The following ABR variants were observed in gnomAD, a reference collection of about 807,000 sequenced individuals.
ABR encodes active breakpoint cluster region-related protein.
In ABR, 35 loss-of-function variants were observed where a neutral mutation model predicts 107.2. The ratio of observed to expected loss-of-function variants is 0.33; its 90% CI spans 0.25 to 0.43. The LOEUF is 0.43. ABR is among the 20% of genes least tolerant of loss of function. ABR has a pLI of 1.00. For missense variants in ABR, 815 were observed against 1,115.2 expected, an observed-to-expected ratio of 0.73 and a Z score of 3.83; for synonymous variants, 498 against 462.0, an observed-to-expected ratio of 1.08 and a Z score of -1.00.
chr17:1,138,854 A>C (rs2040183631), intron 1 of ABR, among the ~76,000 whole-genome samples: 1 of 152,212 alleles, frequency 6.6e-6, no homozygotes, highest in East Asian at 1.9e-4. Flanking sequence ...CGATATGGAG[A>C]AGGGAAGGAC....
chr17:1,226,513 G>A (rs2043218787), intron 1 of ABR, among the ~76,000 whole-genome samples: 1 of 150,238 alleles, frequency 6.7e-6, no homozygotes, highest in Admixed American at 6.6e-5. Context: ...GCATGTGTGT[G>A]CATGCATGTA....
rs199891111 is a variant in ABR at position 1,011,958 on chromosome 17, G to A, written c.1989C>T (p.Ile663=). 31 of 1,613,604 alleles carry A rather than the reference G, an allele frequency of 1.9e-5. No individual in the cohort carries two copies. The East Asian group carries it at 3.1e-4, about 16-fold the overall frequency. Residue 663 remains isoleucine (I), a synonymous_variant, in exon 19 of 23, where the codon ATC becomes ATT. Transcript: ENST00000302538. This position sits in a 1 kb window ranked among gnomAD's most constrained non-coding sequence, Gnocchi z 4.8. ...TKRERSKVPY[I]VRQCVEEVEK... Reference sequence around the variant, plus strand: ...CCACCTCCTCCACACACTGCCGGACGATGTAGGGCACCTTGGAGCGCTCCC... The same window carrying A: ...CCACCTCCTCCACACACTGCCGGACAATGTAGGGCACCTTGGAGCGCTCCC...
chr17:1,125,339 G>C lies in ABR; in HGVS notation c.90C>G (p.Asp30Glu), dbSNP rs759362739. 2 of 1,613,784 alleles carry C rather than the reference G, an allele frequency of 1.2e-6. No homozygotes were observed. Among genetic ancestry groups the C allele is most frequent in the Admixed American group, 3.3e-5 (2 of 60,014 alleles). Reference sequence around the variant, plus strand: ...CCTTCTGCTCCTCATTCCCCTCTCCGTCGTACTCGTCCGTCCCGTAGCTGA... The same window carrying C: ...CCTTCTGCTCCTCATTCCCCTCTCCCTCGTACTCGTCCGTCCCGTAGCTGA... ...SNFSYGTDEYDGEGNEEQKGP... is the reference protein window; with the variant it reads ...SNFSYGTDEYEGEGNEEQKGP... The change falls in exon 2 of 23, where the codon GAC becomes GAG. Residue 30 changes from aspartate to glutamate, a missense_variant. Physicochemically the swap from Asp to Glu is conservative, Grantham distance 45. Transcript: ENST00000302538.
At chr17:1,115,657 G>A (rs1207193159) in intron 2 of ABR, among the ~76,000 whole-genome samples, 1 of 152,264 alleles carries the variant, frequency 6.6e-6, no homozygotes, top group Non-Finnish European at 1.5e-5. Flanking sequence ...AGATGCAGTG[G>A]CTCACGCCTG....
chr17:1,193,395 C>T (rs906033628), intron 1 of ABR, among the ~76,000 whole-genome samples: 3 of 152,174 alleles, frequency 2.0e-5, no homozygotes, highest in Non-Finnish European at 4.4e-5. Flanking sequence ...CTGTTAAGCA[C>T]GTAACCTTCA....
chr17:1,158,264 TA>T (rs762151174), intron 1 of ABR, among the ~76,000 whole-genome samples: 1 of 152,074 alleles, frequency 6.6e-6, no homozygotes, highest in African/African-American at 2.4e-5. Context: ...TGTATTTATT[TA>T]TTTTTTTTAA....
At chr17:1,099,845 A>G (rs1005197229) in intron 3 of ABR, among the ~76,000 whole-genome samples, 1 of 152,176 alleles carries the variant, frequency 6.6e-6, no homozygotes, top group African/African-American at 2.4e-5. Flanking sequence ...GAACACAGAC[A>G]GGCCGGGCGC....
chr17:1,195,791 G>A (rs34749150), intron 1 of ABR, among the ~76,000 whole-genome samples: 46,359 of 140,960 alleles, frequency 0.33, 8,259 homozygotes, highest in East Asian at 0.62. Flanking sequence ...GCAACAGAGC[G>A]AGACTCTGTC....
At chr17:1,034,909 A>G (rs753451583) in intron 16 of ABR, among the ~76,000 whole-genome samples, 32 of 152,052 alleles carry the variant, frequency 2.1e-4, no homozygotes, top group Non-Finnish European at 4.1e-4. Flanking sequence ...AAGGCCCGGC[A>G]CTCATCTGTC....
At position 1,010,966 on chromosome 17, in the gene ABR, C is replaced by G; in HGVS notation, c.2102-103G>C. The G allele has an allele frequency of 4.1e-6, 6 of 1,461,102 alleles. No individual in the cohort carries two copies. The highest frequency in any genetic ancestry group is 5.6e-6 in the Non-Finnish European group (6 of 1,068,672). 90.5% of individuals were successfully genotyped at this position (1,461,102 alleles called of 1,614,324 possible). ...GCCCCCACCCACTCCAGCTCTGGTT[C>G]TGGTCTCCCCTGGAAGAGCAGGATG... On this transcript the variant is annotated intron_variant, in intron 19 of 22. Transcript: ENST00000302538. The surrounding 1 kb of genome is among the most constrained non-coding windows in gnomAD (Gnocchi z 4.1).
At chr17:1,176,096 CAA>C (rs368683289) in intron 1 of ABR, among the ~76,000 whole-genome samples, 2 of 140,688 alleles carry the variant, frequency 1.4e-5, no homozygotes, top group African/African-American at 2.6e-5. Flanking sequence ...GACTCCGTGT[CAA>C]AAAAAAAAAA....
upstream of ABR, among the ~76,000 whole-genome samples, chr17:1,180,447 C>T (rs565631605): frequency 6.6e-6 from 1 of 152,324 alleles, no homozygotes; most frequent in African/African-American, 2.4e-5. Flanking sequence ...CCTTCCCCCG[C>T]TCGTCCCTTT....
intron 1 of ABR, among the ~76,000 whole-genome samples, chr17:1,222,017 A>C (rs1295698905): frequency 1.3e-5 from 2 of 152,046 alleles, no homozygotes; most frequent in Admixed American, 6.6e-5. Context: ...TTATAACAGC[A>C]ACAATAAAGA....
Position 1,103,147 on chromosome 17 carries a change from G to A in ABR, c.247-2412C>T, listed in dbSNP as rs185307707. 4.4e-3 allele frequency among the ~76,000 whole-genome samples: 673 copies of A among 152,260 alleles called. 6 individuals carry two copies. Among genetic ancestry groups the A allele is most frequent in the Non-Finnish European group, 5.2e-3 (357 of 68,024 alleles). ...CAGGCAAGGGCAATAGTTACTTATT[G>A]GCGGCTTCACAAATTCCAGGAACTG... On this transcript the variant is annotated intron_variant, in intron 2 of 22. Coordinates refer to ENST00000302538, the MANE Select transcript of ABR (RefSeq NM_021962.5).
rs2036491393 is a variant in ABR at position 1,084,926 on chromosome 17, C to T, written c.532-1299G>A. On this transcript the variant is annotated intron_variant, in intron 4 of 22. Transcript: ENST00000302538. This position sits in a 1 kb window ranked among gnomAD's most constrained non-coding sequence, Gnocchi z 4.2. ...CAAGGGATTCTCCTGCCTCAGCCTC[C>T]CGAGTAGCTGGCGTTACAGGCGCCC... is the stretch of plus-strand genomic sequence containing the variant. Among the ~76,000 whole-genome samples the T allele has an allele frequency of 6.6e-6, 1 of 152,146 alleles. No individual in the cohort carries two copies. The highest frequency in any genetic ancestry group is 2.1e-4 in the South Asian group (1 of 4,826).
chr17:1,073,339 CCTG>C (rs1360380832), intron 7 of ABR, among the ~76,000 whole-genome samples: 1 of 152,114 alleles, frequency 6.6e-6, no homozygotes, highest in African/African-American at 2.4e-5. Context: ...CTGTGTCTGC[CCTG>C]CAGCTGCTCC....
chr17:1,155,128 T>C (rs1236096827), intron 1 of ABR, among the ~76,000 whole-genome samples: 2 of 151,864 alleles, frequency 1.3e-5, no homozygotes, highest in Non-Finnish European at 1.5e-5. Context: ...GTCCCAGCAA[T>C]GTGTACTATG....
intron 2 of ABR, among the ~76,000 whole-genome samples, chr17:1,103,010 G>A (rs867758518): frequency 3.9e-5 from 6 of 152,234 alleles, no homozygotes; most frequent in African/African-American, 7.2e-5. Flanking sequence ...GAGCCGGGCC[G>A]AGATCCTTTT....
intron 2 of ABR, among the ~76,000 whole-genome samples, chr17:1,110,522 T>A (rs1567775539): frequency 6.6e-6 from 1 of 152,214 alleles, no homozygotes; most frequent in Non-Finnish European, 1.5e-5. Context: ...TGCTCCTGAT[T>A]TTAAAACGAT....
Sources: allele counts gnomAD v4.1 joint callset (sites outside exome capture counted in the v4.1 genomes callset), GRCh38; gene constraint gnomAD v4.1.1; non-coding constraint Gnocchi (gnomAD v3.1); transcripts MANE v1.5; gene names NCBI Gene and HGNC (gene_info 2026-07-23, HGNC 2026-07-21).